KCNJ6: variants seen among roughly 807,000 people sequenced by gnomAD.
KCNJ6 encodes the protein potassium inwardly rectifying channel subfamily J member 6.
Under a neutral mutation model 34.2 loss-of-function variants are expected in KCNJ6, and 9 were observed. The ratio of observed to expected loss-of-function variants is 0.26; its 90% CI spans 0.16 to 0.46. The LOEUF is 0.46. KCNJ6 is among the 20% of genes least tolerant of loss of function. The probability of loss-of-function intolerance (pLI) is 1.00; values close to 1 mark genes in which losing one functional copy is unlikely to be tolerated. For missense variants in KCNJ6, 236 were observed against 531.3 expected, an observed-to-expected ratio of 0.44 and a Z score of 5.46; for synonymous variants, 196 against 207.1, an observed-to-expected ratio of 0.95 and a Z score of 0.46.
chr21:37,756,841 C>T (rs1165969597), intron 2 of KCNJ6, among the ~76,000 whole-genome samples: 52 of 142,980 alleles, frequency 3.6e-4, no homozygotes, highest in Admixed American at 4.9e-4. Flanking sequence ...GATTCCAGCC[C>T]AGAGTGAGCA....
intron 2 of KCNJ6, among the ~76,000 whole-genome samples, chr21:37,778,276 A>G (rs2055152007): frequency 6.6e-6 from 1 of 152,016 alleles, no homozygotes; most frequent in African/African-American, 2.4e-5. Context: ...ACCCGTTGCT[A>G]CTTTGCTTTC....
In KCNJ6 at chr21:37,809,368, C is replaced by A. The variant is rs527477251; in HGVS notation, c.25+31290G>T. Among the ~76,000 whole-genome samples the A allele has an allele frequency of 9.5e-3, 1,446 of 151,680 alleles. 23 individuals are homozygous for A. The highest frequency in any genetic ancestry group is 0.033 in the African/African-American group (1,356 of 41,270). On this transcript the variant is annotated intron_variant, in intron 2 of 3. Coordinates refer to ENST00000609713, the MANE Select transcript of KCNJ6 (RefSeq NM_002240.5). ...GGAAGGGGAACATCACACTCCGGGG[C>A]CTGTTGTGGGGTGGGGAGAGGGGGG... is the stretch of plus-strand genomic sequence containing the variant.
intron 3 of KCNJ6, among the ~76,000 whole-genome samples, chr21:37,657,430 G>GT (rs1386965761): frequency 6.6e-6 from 1 of 152,162 alleles, no homozygotes; most frequent in Non-Finnish European, 1.5e-5. Flanking sequence ...CTCAGCAGTG[G>GT]GAGCCCTGGG....
chr21:37,679,537 C>A (rs565836439), intron 3 of KCNJ6, among the ~76,000 whole-genome samples: 1 of 152,314 alleles, frequency 6.6e-6, no homozygotes, highest in South Asian at 2.1e-4. Context: ...TTAGTTATAA[C>A]TACTGTTATT....
chr21:37,689,002 T>A (rs960255932), intron 3 of KCNJ6, among the ~76,000 whole-genome samples: 1 of 152,234 alleles, frequency 6.6e-6, no homozygotes, highest in Non-Finnish European at 1.5e-5. Context: ...GGTGCATATA[T>A]CATTGGTGAT....
Position 37,609,042 on chromosome 21 carries a change from A to G in KCNJ6, c.*16117T>C, listed in dbSNP as rs1042461839. 8 of 152,212 alleles carry G rather than the reference A, an allele frequency of 5.3e-5. No homozygotes were observed. The highest frequency in any genetic ancestry group is 1.0e-4 in the Non-Finnish European group (7 of 68,046). 9.4% of individuals were successfully genotyped at this position (152,212 alleles called of 1,614,324 possible). On this transcript the variant is annotated 3_prime_UTR_variant, in exon 4 of 4. Coordinates refer to ENST00000609713, the MANE Select transcript of KCNJ6 (RefSeq NM_002240.5). ...GAGCTTCATGAACCTTGAAAATGGAACACTTTATTTCTCTGTAGGATGTGA... is the reference window on the plus strand; with the variant it reads ...GAGCTTCATGAACCTTGAAAATGGAGCACTTTATTTCTCTGTAGGATGTGA...
At chr21:37,777,846 A>C (rs944022751) in intron 2 of KCNJ6, among the ~76,000 whole-genome samples, 1 of 152,156 alleles carries the variant, frequency 6.6e-6, no homozygotes, top group African/African-American at 2.4e-5. Context: ...CGTGCTTGGG[A>C]AAGAATCTTA....
At chr21:37,706,007 C>A (rs1217259566) in intron 3 of KCNJ6, among the ~76,000 whole-genome samples, 1 of 152,186 alleles carries the variant, frequency 6.6e-6, no homozygotes. Flanking sequence ...GTCTACTCTT[C>A]AAAGCCAGTC....
chr21:37,865,211 A>G (rs530414268), intron 1 of KCNJ6, among the ~76,000 whole-genome samples: 1 of 152,354 alleles, frequency 6.6e-6, no homozygotes, highest in South Asian at 2.1e-4. Flanking sequence ...GGAATAATGT[A>G]AAGTGTGTGT....
At chr21:37,754,757 T>G (rs943523442) in intron 2 of KCNJ6, among the ~76,000 whole-genome samples, 7 of 152,234 alleles carry the variant, frequency 4.6e-5, no homozygotes, top group African/African-American at 1.7e-4. Context: ...GTCCTCACTT[T>G]CGGTACATTT....
intron 2 of KCNJ6, among the ~76,000 whole-genome samples, chr21:37,813,402 A>C (rs2055332097): frequency 1.3e-5 from 2 of 152,182 alleles, no homozygotes. Context: ...AATAAAAAAA[A>C]ATTCTAAAAT....
intron 3 of KCNJ6, among the ~76,000 whole-genome samples, chr21:37,707,496 A>G (rs1268857311): frequency 6.6e-6 from 1 of 152,172 alleles, no homozygotes; most frequent in Non-Finnish European, 1.5e-5. Flanking sequence ...AAGGCAGGGA[A>G]GGGAACAACT....
intron 2 of KCNJ6, among the ~76,000 whole-genome samples, chr21:37,823,576 A>G (rs542502501): frequency 1.2e-4 from 19 of 152,184 alleles, no homozygotes; most frequent in African/African-American, 4.1e-4. Context: ...ATGGTTTTAT[A>G]AGTGTTTGAC....
chr21:37,834,621 G>A (rs1365134488), intron 2 of KCNJ6, among the ~76,000 whole-genome samples: 3 of 152,078 alleles, frequency 2.0e-5, no homozygotes, highest in Non-Finnish European at 4.4e-5. Context: ...ATAAAAAAGG[G>A]AATAAATGAT....
intron 1 of KCNJ6, among the ~76,000 whole-genome samples, chr21:37,869,599 G>T (rs927249985): frequency 6.6e-6 from 1 of 152,226 alleles, no homozygotes; most frequent in Non-Finnish European, 1.5e-5. Context: ...TACCTGCGAT[G>T]TAGGTGGCTG....
At chr21:37,818,888 G>T (rs574796614) in intron 2 of KCNJ6, among the ~76,000 whole-genome samples, 152 of 108,644 alleles carry the variant, frequency 1.4e-3, no homozygotes, top group Middle Eastern at 9.5e-3. Flanking sequence ...TGCTGTAAGA[G>T]AAATAAGTGG....
chr21:37,842,714 G>A, intron 1 of KCNJ6, among the ~76,000 whole-genome samples: 1 of 141,752 alleles, frequency 7.1e-6, no homozygotes, highest in East Asian at 2.0e-4. Flanking sequence ...GAATAAGACA[G>A]GCAGAGAGGA....
chr21:37,826,504 T>C (rs766403531), intron 2 of KCNJ6, among the ~76,000 whole-genome samples: 1 of 152,196 alleles, frequency 6.6e-6, no homozygotes, highest in Non-Finnish European at 1.5e-5. Flanking sequence ...TAACTTTTTA[T>C]GTCAGACTCA....
chr21:37,671,743 A>G (rs561025411), intron 3 of KCNJ6, among the ~76,000 whole-genome samples: 1 of 152,348 alleles, frequency 6.6e-6, no homozygotes, highest in Non-Finnish European at 1.5e-5. Flanking sequence ...AGGGGTGTCC[A>G]CTGGAGAATG....
Sources: allele counts gnomAD v4.1 joint callset (sites outside exome capture counted in the v4.1 genomes callset), GRCh38; gene constraint gnomAD v4.1.1; transcripts MANE v1.5; gene names NCBI Gene and HGNC (gene_info 2026-07-23, HGNC 2026-07-21).